Variants in DPYS observed in about 807,000 individuals in gnomAD.
The protein encoded by DPYS is dihydropyrimidinase, also known as dihydropyrimidine amidohydrolase.
DPYS carries 39 observed loss-of-function variants against 50.3 expected under a neutral mutation model. The ratio of observed to expected loss-of-function variants is 0.78; its 90% CI spans 0.60 to 1.01. The LOEUF (loss-of-function observed/expected upper bound fraction) is 1.01. DPYS is among the 50% of genes least tolerant of loss of function. The pLI is 0.00. For synonymous variants in DPYS, 245 were observed against 250.7 expected (o/e 0.98, Z 0.22); for missense variants, 659 against 680.9 (o/e 0.97, Z 0.36).
intron 7 of DPYS, among the ~76,000 whole-genome samples, chr8:104,401,131 C>G (rs1007124723): frequency 1.3e-5 from 2 of 152,094 alleles, no homozygotes; most frequent in African/African-American, 4.8e-5. Flanking sequence ...TAGATTCTTA[C>G]CAGGTTGCCA....
intron 6 of DPYS, among the ~76,000 whole-genome samples, chr8:104,427,737 C>T (rs535278309): frequency 1.2e-4 from 18 of 152,206 alleles, no homozygotes; most frequent in East Asian, 9.6e-4. Context: ...CTAATGTCTC[C>T]GCAAAATAGT....
At chr8:104,436,362 C>A (rs528797753) in intron 4 of DPYS, among the ~76,000 whole-genome samples, 1 of 152,300 alleles carries the variant, frequency 6.6e-6, no homozygotes, top group East Asian at 1.9e-4. Context: ...ATAATCCCAG[C>A]ACTGTGGGAG....
At chr8:104,397,147 C>A (rs553848466) in intron 7 of DPYS, among the ~76,000 whole-genome samples, 1 of 152,316 alleles carries the variant, frequency 6.6e-6, no homozygotes, top group South Asian at 2.1e-4. Context: ...TAAAGGCCCT[C>A]CTCACTTCTG....
intron 7 of DPYS, among the ~76,000 whole-genome samples, chr8:104,402,614 T>C (rs1306631546): frequency 6.6e-6 from 1 of 152,222 alleles, no homozygotes; most frequent in Admixed American, 6.5e-5. Context: ...TGACAGACTA[T>C]GAGGACAACT....
At chr8:104,383,499 C>G (rs1301823961) in intron 8 of DPYS, among the ~76,000 whole-genome samples, 1 of 152,122 alleles carries the variant, frequency 6.6e-6, no homozygotes, top group Non-Finnish European at 1.5e-5. Context: ...GGCTTCCCAT[C>G]TAAGCCTGCT....
chr8:104,450,026 C>A (rs1813677149), intron 2 of DPYS, among the ~76,000 whole-genome samples: 1 of 151,904 alleles, frequency 6.6e-6, no homozygotes, highest in Non-Finnish European at 1.5e-5. Flanking sequence ...TCTTTGTATA[C>A]TAAAGTGTGA....
intron 7 of DPYS, among the ~76,000 whole-genome samples, chr8:104,396,590 A>G (rs1162670635): frequency 6.6e-6 from 1 of 152,196 alleles, no homozygotes; most frequent in Non-Finnish European, 1.5e-5. Context: ...TGTAATATCA[A>G]TGGAAAAACT....
chr8:104,381,445 C>T, intron 8 of DPYS, 131 bp from the exon 9 acceptor site: 2 of 836,388 alleles, frequency 2.4e-6, no homozygotes, highest in Admixed American at 2.0e-5. Context: ...CTCCCCATCC[C>T]CTTGGCCTTT....
intron 7 of DPYS, among the ~76,000 whole-genome samples, chr8:104,394,346 G>A (rs1811506847): frequency 6.6e-6 from 1 of 152,108 alleles, no homozygotes; most frequent in South Asian, 2.1e-4. Context: ...AACATGCTCA[G>A]ACAGAATTCT....
chr8:104,401,379 C>G (rs557153926), intron 7 of DPYS, among the ~76,000 whole-genome samples: 1 of 151,520 alleles, frequency 6.6e-6, no homozygotes, highest in South Asian at 2.1e-4. Flanking sequence ...ATAACACTCA[C>G]CCCAGTTTAC....
intron 5 of DPYS, 70 bp from the exon 6 acceptor site, chr8:104,428,191 C>T (rs1812804119): frequency 6.3e-7 from 1 of 1,590,460 alleles, no homozygotes; most frequent in African/African-American, 1.3e-5. Flanking sequence ...CTGCCATAAC[C>T]TTTCCTAATC....
chr8:104,426,090 G>A (rs1385193364), intron 6 of DPYS, among the ~76,000 whole-genome samples: 1 of 152,154 alleles, frequency 6.6e-6, no homozygotes, highest in Non-Finnish European at 1.5e-5. Context: ...TAAGTGAAGA[G>A]AAGTCATCTG....
At chr8:104,401,640 T>C (rs78599423) in intron 7 of DPYS, among the ~76,000 whole-genome samples, 1,896 of 152,318 alleles carry the variant, frequency 0.012, 39 homozygotes, top group African/African-American at 0.043. Flanking sequence ...GGATTTAGGA[T>C]GCTATTAAGA....
At chr8:104,433,948 G>T (rs1813040638) in intron 4 of DPYS, among the ~76,000 whole-genome samples, 1 of 152,172 alleles carries the variant, frequency 6.6e-6, no homozygotes, top group Non-Finnish European at 1.5e-5. Flanking sequence ...TAAAATATTT[G>T]AAGAGATTCA....
At position 104,447,478 on chromosome 8, in the gene DPYS, A is replaced by G; in HGVS notation, c.449T>C (p.Val150Ala). Residue 150 changes from valine (V) to alanine (A), a missense_variant, in exon 3 of 10, where the codon GTG (valine) becomes GCG (alanine). Physicochemically the swap from Val to Ala is moderately conservative, Grantham distance 64 (BLOSUM62 0). Transcript: ENST00000351513. Reference protein sequence around the residue: ...DQVKEEMKILVQDKGVNSFKM... With the variant: ...DQVKEEMKILAQDKGVNSFKM... ...GAAAGAGTTAACACCTTTATCTTGC[A>G]CAAGGATTTTCATTTCTTCTTTAAC... 1 of 1,614,182 alleles carries G rather than the reference A, an allele frequency of 6.2e-7. No homozygotes were observed. Among genetic ancestry groups the G allele is most frequent in the South Asian group, 1.1e-5 (1 of 91,070 alleles).
intron 7 of DPYS, among the ~76,000 whole-genome samples, chr8:104,406,511 C>T (rs1811999830): frequency 6.6e-6 from 1 of 152,174 alleles, no homozygotes; most frequent in African/African-American, 2.4e-5. Context: ...GTGAGTTTGG[C>T]CTCATGACCA....
At chr8:104,430,847 T>A (rs1438166152) in intron 4 of DPYS, among the ~76,000 whole-genome samples, 2 of 152,190 alleles carry the variant, frequency 1.3e-5, no homozygotes, top group African/African-American at 2.4e-5. Flanking sequence ...TAAGTTACTT[T>A]GCTTCCGTGA....
At position 104,466,872 on chromosome 8, in the gene DPYS, C is replaced by T. The variant is rs1814431708; in HGVS notation, c.49G>A (p.Asp17Asn). The change falls in exon 1 of 10, where the codon GAT becomes AAT. Residue 17 changes from aspartate to asparagine, a missense_variant. Coordinates refer to ENST00000351513, the MANE Select transcript of DPYS (RefSeq NM_001385.3). Reference sequence around the variant, plus strand: ...ACGTCGGCCACCTCCGAGAAGTCATCGTTGACCACGCGACCCCCGCGGATC... The same window carrying T: ...ACGTCGGCCACCTCCGAGAAGTCATTGTTGACCACGCGACCCCCGCGGATC... ...LLIRGGRVVNDDFSEVADVLV... is the reference protein window; with the variant it reads ...LLIRGGRVVNNDFSEVADVLV... 3.9e-6 allele frequency: 6 copies of T among 1,519,772 alleles called. No individual in the cohort carries two copies. Among genetic ancestry groups the T allele is most frequent in the Non-Finnish European group, 5.3e-6 (6 of 1,139,844 alleles). 94.1% of individuals were successfully genotyped at this position (1,519,772 alleles called of 1,614,324 possible).
chr8:104,395,935 G>A (rs990942703), intron 7 of DPYS, among the ~76,000 whole-genome samples: 17 of 151,976 alleles, frequency 1.1e-4, no homozygotes, highest in African/African-American at 3.4e-4. Context: ...AGCAGGAGGC[G>A]GGTACAAATA....
Sources: allele counts gnomAD v4.1 joint callset (sites outside exome capture counted in the v4.1 genomes callset), GRCh38; gene constraint gnomAD v4.1.1; transcripts MANE v1.5; gene names NCBI Gene and HGNC (gene_info 2026-07-23, HGNC 2026-07-21).